CABLES1: variants seen among roughly 807,000 people sequenced by gnomAD.
CABLES1 encodes Cdk5 and Abl enzyme substrate 1.
In CABLES1, 36 loss-of-function variants were observed where a neutral mutation model predicts 57.8. The ratio of observed to expected loss-of-function variants is 0.62; its 90% confidence interval spans 0.48 to 0.82. The LOEUF (loss-of-function observed/expected upper bound fraction) is 0.82. Among genes scored for constraint, CABLES1 ranks in the 40% least tolerant of loss-of-function variants. The probability of loss-of-function intolerance (pLI) is 0.00; values close to 1 mark genes in which losing one functional copy is unlikely to be tolerated. For synonymous variants in CABLES1, 374 were observed against 363.0 expected (o/e 1.03, Z -0.35); for missense variants, 767 against 836.6 (o/e 0.92, Z 1.03).
intron 7 of CABLES1, among the ~76,000 whole-genome samples, chr18:23,246,215 G>C (rs977203048): frequency 4.6e-5 from 7 of 150,828 alleles, no homozygotes; most frequent in Non-Finnish European, 1.0e-4. Flanking sequence ...AGTGAGCAGA[G>C]ATCACACCAC....
At chr18:23,222,559 T>C (rs985325401) in intron 4 of CABLES1, among the ~76,000 whole-genome samples, 1 of 148,174 alleles carries the variant, frequency 6.7e-6, no homozygotes, top group African/African-American at 2.5e-5. Flanking sequence ...TATCTATATA[T>C]AGATATATAT....
chr18:23,150,898 A>C (rs1369553384), intron 1 of CABLES1, among the ~76,000 whole-genome samples: 1 of 151,996 alleles, frequency 6.6e-6, no homozygotes, highest in Non-Finnish European at 1.5e-5. Flanking sequence ...TGGTTGGAGC[A>C]TAGTGAACTC....
At chr18:23,238,088 G>A (rs1174756253) in intron 7 of CABLES1, among the ~76,000 whole-genome samples, 4 of 152,260 alleles carry the variant, frequency 2.6e-5, no homozygotes, top group Non-Finnish European at 4.4e-5. Flanking sequence ...ACAGCCGAGC[G>A]CTTCCTCCTC....
intron 1 of CABLES1, among the ~76,000 whole-genome samples, chr18:23,140,815 G>C (rs1224948005): frequency 6.6e-6 from 1 of 152,148 alleles, no homozygotes; most frequent in African/African-American, 2.4e-5. Flanking sequence ...GTGGGTTTGT[G>C]GTACGGAAGA....
At chr18:23,160,486 G>T (rs1256376405) in intron 1 of CABLES1, among the ~76,000 whole-genome samples, 1 of 152,168 alleles carries the variant, frequency 6.6e-6, no homozygotes, top group Admixed American at 6.5e-5. Flanking sequence ...TGTGTGCAGC[G>T]CCTGCCTCAC....
At chr18:23,212,221 G>A (rs1017954530) in intron 3 of CABLES1, among the ~76,000 whole-genome samples, 3 of 152,262 alleles carry the variant, frequency 2.0e-5, no homozygotes, top group Admixed American at 6.5e-5. Flanking sequence ...AACCCAGGCA[G>A]CTGGTCTGCA....
chr18:23,202,418 G>A (rs988339031), intron 3 of CABLES1, among the ~76,000 whole-genome samples: 4 of 152,196 alleles, frequency 2.6e-5, no homozygotes, highest in Admixed American at 1.3e-4. Flanking sequence ...CATCTGGAAC[G>A]GGCCTTTGAA....
At chr18:23,206,817 C>CT (rs774150949) in intron 3 of CABLES1, among the ~76,000 whole-genome samples, 12,363 of 137,268 alleles carry the variant, frequency 0.09, 842 homozygotes, top group African/African-American at 0.18. Context: ...GTTTGTGCAC[C>CT]TTTTTTTTTT....
chr18:23,209,345 G>C (rs1373286119), intron 3 of CABLES1, among the ~76,000 whole-genome samples: 1 of 152,204 alleles, frequency 6.6e-6, no homozygotes, highest in East Asian at 1.9e-4. Flanking sequence ...TTGTGGATAA[G>C]GGGGGACACC....
intron 2 of CABLES1, chr18:23,189,139 G>T: frequency 2.1e-6 from 1 of 474,256 alleles, no homozygotes; most frequent in Non-Finnish European, 3.7e-6. Flanking sequence ...TGGAGATTTG[G>T]GTGCTTTTCT....
chr18:23,138,784 C>T (rs1300183083), intron 1 of CABLES1, among the ~76,000 whole-genome samples: 1 of 152,180 alleles, frequency 6.6e-6, no homozygotes, highest in East Asian at 1.9e-4. Context: ...TACATGTTAC[C>T]TCACGGATGG....
At chr18:23,193,664 G>T (rs1209527318) in intron 2 of CABLES1, among the ~76,000 whole-genome samples, 1 of 152,144 alleles carries the variant, frequency 6.6e-6, no homozygotes, top group African/African-American at 2.4e-5. Flanking sequence ...TGAGCATTTT[G>T]CTTTTCTGTC....
chr18:23,137,046 A>G (rs919228596), intron 1 of CABLES1, among the ~76,000 whole-genome samples: 2 of 152,234 alleles, frequency 1.3e-5, no homozygotes, highest in Non-Finnish European at 2.9e-5. Flanking sequence ...CTGAACTTGT[A>G]GCAGACACGC....
chr18:23,156,057 C>T (rs539697957), intron 1 of CABLES1: 1 of 1,352,220 alleles, frequency 7.4e-7, no homozygotes, highest in Admixed American at 1.7e-5. Flanking sequence ...ATCTCTGAGG[C>T]TCAGCCTGGA....
chr18:23,222,342 T>A (rs939842801), intron 4 of CABLES1, among the ~76,000 whole-genome samples: 3 of 151,824 alleles, frequency 2.0e-5, no homozygotes, highest in Non-Finnish European at 4.4e-5. Flanking sequence ...GGGCTTATAA[T>A]ATACATTTTA....
At chr18:23,193,484 GC>G (rs33919496) in intron 2 of CABLES1, among the ~76,000 whole-genome samples, 152,348 of 152,358 alleles carry the variant, frequency 1, 76,169 homozygotes, top group Non-Finnish European at 1. Flanking sequence ...GAGCCACCAC[GC>G]CCCAGCCCAG....
intron 1 of CABLES1, among the ~76,000 whole-genome samples, chr18:23,167,897 G>A (rs1598808400): frequency 1.3e-5 from 2 of 152,352 alleles, no homozygotes; most frequent in East Asian, 3.9e-4. Flanking sequence ...GCATGCAGGC[G>A]CTCGCGCCCT....
Position 23,234,587 on chromosome 18 carries a change from TCC to T in CABLES1, c.1089-20_1089-19del. On this transcript the variant is annotated intron_variant, in intron 4 of 9. Coordinates refer to ENST00000256925, the MANE Select transcript of CABLES1 (RefSeq NM_001100619.3). ...AGGTGCACACAAAAGCATTTTTTTT[TCC>T]TCTGACTTGTCCTCCCAGGGACTTG... is the stretch of plus-strand genomic sequence containing the variant. 1 of 1,596,102 alleles carries T rather than the reference TCC, an allele frequency of 6.3e-7. No individual in the cohort carries two copies. The highest frequency in any genetic ancestry group is 1.7e-5 in the Admixed American group (1 of 59,860).
intron 1 of CABLES1, among the ~76,000 whole-genome samples, chr18:23,151,025 T>A (rs1051171406): frequency 5.4e-5 from 8 of 148,774 alleles, no homozygotes; most frequent in African/African-American, 2.0e-4. Flanking sequence ...GTTTTTTTTT[T>A]TTTTTTTTTG....
Sources: gnomAD v4.1 joint callset for allele counts (sites outside exome capture counted in the v4.1 genomes callset) on GRCh38, gnomAD v4.1.1 for gene constraint, MANE v1.5 for transcripts, NCBI Gene and HGNC (gene_info 2026-07-23, HGNC 2026-07-21) for gene names.